Variants in MRPS35 observed in about 807,000 individuals in gnomAD.
MRPS35 encodes the protein mitochondrial ribosomal protein S35.
Under a neutral mutation model 32.7 loss-of-function variants are expected in MRPS35, and 29 were observed. That is an observed-to-expected ratio of 0.89 (90% CI 0.66 to 1.21). The LOEUF is 1.21. MRPS35 is among the 50% of genes most tolerant of loss of function. The pLI, the probability that MRPS35 is intolerant of heterozygous loss-of-function variation, is 0.00. For synonymous variants in MRPS35, 148 were observed against 139.3 expected, an observed-to-expected ratio of 1.06 and a Z score of -0.44; for missense variants, 373 against 383.8, an observed-to-expected ratio of 0.97 and a Z score of 0.23.
At chr12:27,712,255 G>T (rs975365052) in intron 1 of MRPS35, among the ~76,000 whole-genome samples, 1 of 152,184 alleles carries the variant, frequency 6.6e-6, no homozygotes, top group Admixed American at 6.5e-5. Flanking sequence ...GGACAATGTG[G>T]CAGGAGCTAA....
At chr12:27,748,468 T>TGTGTGC (rs1362253641) in intron 7 of MRPS35, among the ~76,000 whole-genome samples, 2 of 148,662 alleles carry the variant, frequency 1.3e-5, no homozygotes, top group East Asian at 3.9e-4. Flanking sequence ...TGTGTGTGTG[T>TGTGTGC]GTGATCCATA....
chr12:27,726,936 T>C (rs2061903022), intron 5 of MRPS35, among the ~76,000 whole-genome samples: 1 of 149,116 alleles, frequency 6.7e-6, no homozygotes, highest in Admixed American at 6.8e-5. Flanking sequence ...CTTTGGGTTG[T>C]CCTCTTACTT....
At chr12:27,716,064 G>T (rs1043292595) in intron 2 of MRPS35, among the ~76,000 whole-genome samples, 1 of 152,104 alleles carries the variant, frequency 6.6e-6, no homozygotes, top group Admixed American at 6.6e-5. Context: ...ATATTAAAGG[G>T]GATCCTTGCC....
chr12:27,730,430 A>G (rs1254325693), intron 5 of MRPS35, among the ~76,000 whole-genome samples: 1 of 152,144 alleles, frequency 6.6e-6, no homozygotes, highest in African/African-American at 2.4e-5. Context: ...TATCGAGAGT[A>G]TAGGCTATTA....
chr12:27,719,393 G>A (rs1031103193), intron 3 of MRPS35, among the ~76,000 whole-genome samples: 12 of 152,094 alleles, frequency 7.9e-5, no homozygotes, highest in South Asian at 2.1e-4. Context: ...GATTTTGGGC[G>A]CGGTGGCTCA....
chr12:27,714,075 C>CAAAA (rs34481044), intron 1 of MRPS35, among the ~76,000 whole-genome samples: 4 of 78,112 alleles, frequency 5.1e-5, no homozygotes, highest in Non-Finnish European at 1.1e-4. Context: ...GACCTTGTCT[C>CAAAA]AAAAAAAAAA....
chr12:27,750,770 G>A (rs549855512), intron 7 of MRPS35, among the ~76,000 whole-genome samples: 13 of 152,074 alleles, frequency 8.5e-5, no homozygotes, highest in African/African-American at 3.1e-4. Context: ...GTGCCACTGT[G>A]CTCCAGCCTA....
intron 6 of MRPS35, 32 bp downstream of exon 6, chr12:27,735,588 C>T (rs1196185426): frequency 6.1e-6 from 9 of 1,481,210 alleles, no homozygotes; most frequent in East Asian, 4.6e-5. Context: ...CGACTGGTCA[C>T]GTGTGTTTCC....
At chr12:27,740,531 A>C (rs927155134) in intron 7 of MRPS35, among the ~76,000 whole-genome samples, 12 of 152,066 alleles carry the variant, frequency 7.9e-5, no homozygotes, top group African/African-American at 2.9e-4. Context: ...TGGCCTCCCA[A>C]AGTGTTGGAT....
intron 5 of MRPS35, among the ~76,000 whole-genome samples, chr12:27,731,333 CA>C (rs1377234745): frequency 2.0e-5 from 3 of 152,166 alleles, no homozygotes; most frequent in Non-Finnish European, 4.4e-5. Flanking sequence ...CTGGGACCCT[CA>C]AAATATTAAC....
chr12:27,736,012 AAT>A (rs1298437229), intron 6 of MRPS35, among the ~76,000 whole-genome samples: 1 of 152,232 alleles, frequency 6.6e-6, no homozygotes, highest in Non-Finnish European at 1.5e-5. Flanking sequence ...TTATAAAGGC[AAT>A]ATTAAATTTA....
intron 7 of MRPS35, among the ~76,000 whole-genome samples, chr12:27,741,689 C>T (rs149799855): frequency 7.9e-5 from 12 of 151,882 alleles, no homozygotes; most frequent in African/African-American, 2.9e-4. Flanking sequence ...TGAAACCTTC[C>T]GTAAATGATT....
chr12:27,741,119 G>C (rs141016567), intron 7 of MRPS35, among the ~76,000 whole-genome samples: 2,730 of 151,940 alleles, frequency 0.018, 95 homozygotes, highest in African/African-American at 0.061. Context: ...AGTGAGCCAA[G>C]ATCGCACCAC....
chr12:27,737,723 T>C, intron 7 of MRPS35, 115 bp downstream of exon 7: 1 of 770,362 alleles, frequency 1.3e-6, no homozygotes, highest in Non-Finnish European at 2.1e-6. Flanking sequence ...TGCTGAATAA[T>C]CTAAGTATGT....
At chr12:27,712,213 A>G (rs1593461215) in intron 1 of MRPS35, among the ~76,000 whole-genome samples, 2 of 152,102 alleles carry the variant, frequency 1.3e-5, no homozygotes, top group African/African-American at 2.4e-5. Context: ...GTTGAGAACA[A>G]TCTGAGGGGT....
intron 5 of MRPS35, among the ~76,000 whole-genome samples, chr12:27,732,857 C>A (rs974514839): frequency 6.6e-6 from 1 of 151,868 alleles, no homozygotes; most frequent in African/African-American, 2.4e-5. Context: ...CAAACCAATT[C>A]TTGTCTTTTA....
chr12:27,735,695 T>A, intron 6 of MRPS35, 139 bp downstream of exon 6: 1 of 649,042 alleles, frequency 1.5e-6, no homozygotes. Context: ...GTTCTCTAAT[T>A]CATATTTTTA....
At chr12:27,713,414 A>G (rs1274958366) in intron 1 of MRPS35, among the ~76,000 whole-genome samples, 1 of 152,168 alleles carries the variant, frequency 6.6e-6, no homozygotes, top group African/African-American at 2.4e-5. Flanking sequence ...TGTCAGTCCA[A>G]GTTCAGAAAC....
intron 2 of MRPS35, among the ~76,000 whole-genome samples, chr12:27,715,187 G>A (rs2061844671): frequency 6.6e-6 from 1 of 152,136 alleles, no homozygotes; most frequent in East Asian, 1.9e-4. Flanking sequence ...CCCAGCTGGA[G>A]TGCAGTGGTG....
Sources: allele counts gnomAD v4.1 joint callset (sites outside exome capture counted in the v4.1 genomes callset), GRCh38; gene constraint gnomAD v4.1.1; transcripts MANE v1.5; gene names NCBI Gene and HGNC (gene_info 2026-07-23, HGNC 2026-07-21).